MIA2: variants seen among roughly 807,000 people sequenced by gnomAD.
The protein encoded by MIA2 is melanoma inhibitory activity protein 2.
In MIA2, 127 loss-of-function variants were observed where a neutral mutation model predicts 167.8. That is an observed-to-expected ratio of 0.76 (90% CI 0.66 to 0.88). MIA2 has a LOEUF of 0.88. Among genes scored for constraint, MIA2 ranks in the 40% least tolerant of loss-of-function variants. The pLI is 0.00. For synonymous variants in MIA2, 552 were observed against 541.9 expected (o/e 1.02, Z -0.26); for missense variants, 1,690 against 1,624.7 (o/e 1.04, Z -0.69).
intron 3 of MIA2, among the ~76,000 whole-genome samples, chr14:39,243,535 A>T (rs987619580): frequency 6.6e-6 from 1 of 152,180 alleles, no homozygotes; most frequent in African/African-American, 2.4e-5. Context: ...ATACAAATTT[A>T]TTTGATCACA....
exon 24 of MIA2, chr14:39,387,046 A>G (rs1177401101): frequency 2.9e-6 from 2 of 692,158 alleles, no homozygotes; most frequent in Admixed American, 5.8e-5. Context: ...AGTGCCGGGT[A>G]GCTGGCGGCG....
Position 39,359,036 on chromosome 14 carries a change from A to T in MIA2, c.2248+10059A>T, listed in dbSNP as rs570226131. On this transcript the variant is annotated intron_variant, in intron 23 of 23. Transcript: ENST00000341502. ...GAGGAGGCAGTCTGTCTGTTCTCAG[A>T]TCTCAAGCTGCATGCTGGGAGAACC... Among the ~76,000 whole-genome samples the T allele has an allele frequency of 2.6e-5, 4 of 152,306 alleles. 1 individual carries two copies. The East Asian group carries it at 7.7e-4, about 29-fold the overall frequency.
At chr14:39,333,151 C>G (rs1043423905) in intron 25 of MIA2, among the ~76,000 whole-genome samples, 1 of 152,032 alleles carries the variant, frequency 6.6e-6, no homozygotes, top group Non-Finnish European at 1.5e-5. Context: ...TCAGGGTCAT[C>G]TTGAGGTTGG....
chr14:39,333,062 TATA>T (rs1433683961), intron 25 of MIA2, among the ~76,000 whole-genome samples: 1 of 152,212 alleles, frequency 6.6e-6, no homozygotes, highest in Non-Finnish European at 1.5e-5. Context: ...TTTTATTCAT[TATA>T]AGCATTTTTT....
At chr14:39,308,418 C>T (rs755307486) in intron 17 of MIA2, 31 bp from the exon 18 acceptor site, 3 of 1,342,776 alleles carry the variant, frequency 2.2e-6, no homozygotes, top group Admixed American at 2.6e-5. Flanking sequence ...AAATGTTTCT[C>T]CTTTAATTAT....
In MIA2 at chr14:39,237,001, G is replaced by A. The variant is rs1245973911; in HGVS notation, c.195G>A (p.Glu65=). The change falls in exon 2 of 29, where the codon GAG becomes GAA. Residue 65 remains glutamate, a synonymous_variant. Coordinates refer to ENST00000640607, the MANE Select transcript of MIA2 (RefSeq NM_001329214.4). Reference sequence around the variant, plus strand: ...ACCTGAACTTCACTAAGGGAGAAGAGATATCTGTTTATGTTAAACTTGCAG... The same window carrying A: ...ACCTGAACTTCACTAAGGGAGAAGAAATATCTGTTTATGTTAAACTTGCAG... ...CRYLNFTKGE[E]ISVYVKLAGE... is the part of the protein sequence containing the mutation. 1.2e-6 allele frequency: 2 copies of A among 1,614,000 alleles called. No individual in the cohort carries two copies. Among genetic ancestry groups the A allele is most frequent in the Non-Finnish European group, 8.5e-7 (1 of 1,179,976 alleles).
chr14:39,270,657 G>T (rs2056987209), intron 6 of MIA2, among the ~76,000 whole-genome samples: 1 of 152,076 alleles, frequency 6.6e-6, no homozygotes, highest in Admixed American at 6.6e-5. Context: ...GCCTTCCAGA[G>T]TGCTGGTGTT....
chr14:39,293,343 AAAG>A lies in MIA2; in HGVS notation c.2286_2288del (p.Glu763del). The A allele has an allele frequency of 6.2e-7, 1 of 1,609,018 alleles. No homozygotes were observed. Among genetic ancestry groups the A allele is most frequent in the Non-Finnish European group, 8.5e-7 (1 of 1,176,144 alleles). On this transcript the variant is annotated inframe_deletion, in exon 11 of 29. Coordinates refer to ENST00000640607, the MANE Select transcript of MIA2 (RefSeq NM_001329214.4). ...AATACTCTGTCTAGAAAAAGAGTTA[AAAG>A]AAGAGAAATCCAAACATTCTGAACA...
intron 10 of MIA2, among the ~76,000 whole-genome samples, chr14:39,292,261 A>G (rs897372166): frequency 6.6e-6 from 1 of 152,228 alleles, no homozygotes; most frequent in Non-Finnish European, 1.5e-5. Flanking sequence ...TAGCAAAGAC[A>G]TTTACTCAAG....
At chr14:39,361,044 T>C (rs2074671565) in intron 23 of MIA2, among the ~76,000 whole-genome samples, 1 of 152,228 alleles carries the variant, frequency 6.6e-6, no homozygotes, top group African/African-American at 2.4e-5. Flanking sequence ...GCTGTTTTGG[T>C]TACTATAGCC....
At chr14:39,288,484 T>TTG (rs1413826752) in intron 9 of MIA2, among the ~76,000 whole-genome samples, 22 of 80,444 alleles carry the variant, frequency 2.7e-4, no homozygotes, top group South Asian at 5.2e-4. Flanking sequence ...TATTTTTTTT[T>TTG]TTTTTTTTGA....
chr14:39,365,110 G>A (rs1329223954), intron 23 of MIA2, among the ~76,000 whole-genome samples: 1 of 151,638 alleles, frequency 6.6e-6, no homozygotes, highest in Non-Finnish European at 1.5e-5. Context: ...GTGTTGCACA[G>A]ACTGGAGTGC....
intron 23 of MIA2, among the ~76,000 whole-genome samples, chr14:39,363,537 A>AG (rs1192229568): frequency 6.6e-6 from 1 of 152,210 alleles, no homozygotes; most frequent in African/African-American, 2.4e-5. Flanking sequence ...TCAAATAAAA[A>AG]AAATCTGATG....
chr14:39,302,374 C>A, intron 15 of MIA2, 125 bp downstream of exon 15: 1 of 1,081,688 alleles, frequency 9.2e-7, no homozygotes, highest in Non-Finnish European at 1.3e-6. Context: ...CTGTCTGTGA[C>A]ACACTGTCCT....
At chr14:39,265,932 A>ATTAG in intron 6 of MIA2, 4 of 981,666 alleles carry the variant, frequency 4.1e-6, no homozygotes, top group Non-Finnish European at 4.8e-6. Context: ...CTACTCTGAT[A>ATTAG]TTAGCATTTC....
At chr14:39,360,688 T>G (rs2139278751) in intron 23 of MIA2, among the ~76,000 whole-genome samples, 1 of 152,326 alleles carries the variant, frequency 6.6e-6, no homozygotes, top group Non-Finnish European at 1.5e-5. Flanking sequence ...CATTTTTGTT[T>G]TTGTTACCTG....
intron 6 of MIA2, chr14:39,267,158 A>G (rs1000958607): frequency 1.7e-6 from 2 of 1,165,812 alleles, no homozygotes; most frequent in African/African-American, 3.2e-5. Flanking sequence ...CCCGGCCGAA[A>G]CCAAACCGAG....
rs7157404 is a variant in MIA2 at position 39,358,343 on chromosome 14, A to G, written c.2248+9366A>G. On this transcript the variant is annotated intron_variant, in intron 23 of 23. Transcript: ENST00000341502. The stretch of plus-strand genomic sequence containing the variant: ...CATACCCTTTCTTCCAGTTGATCAA[A>G]TCGGCTACTGAAGCTTGTGCATTCG... Among the ~76,000 whole-genome samples, 540 of 152,262 alleles carry G rather than the reference A, an allele frequency of 3.5e-3. 6 individuals carry two copies. The highest frequency in any genetic ancestry group is 0.012 in the African/African-American group (506 of 41,566).
At chr14:39,288,471 A>T (rs1174309047) in intron 9 of MIA2, among the ~76,000 whole-genome samples, 41,373 of 51,488 alleles carry the variant, frequency 0.8, 16,292 homozygotes, top group East Asian at 0.84. Context: ...ATATATATAT[A>T]TATATTTTTT....
Sources: allele counts gnomAD v4.1 joint callset (sites outside exome capture counted in the v4.1 genomes callset), GRCh38; gene constraint gnomAD v4.1.1; transcripts MANE v1.5; gene names NCBI Gene and HGNC (gene_info 2026-07-23, HGNC 2026-07-21).